The following PRLR variants were observed in gnomAD, a reference collection of about 807,000 sequenced individuals.
The protein encoded by PRLR is hPRL receptor.
In PRLR, 13 loss-of-function variants were observed where a neutral mutation model predicts 40.2. That is an observed-to-expected ratio of 0.32 (90% confidence interval 0.21 to 0.51). PRLR has a LOEUF of 0.51. PRLR is among the 20% of genes least tolerant of loss of function. The probability of loss-of-function intolerance (pLI) is 0.97; values close to 1 mark genes in which losing one functional copy is unlikely to be tolerated. For synonymous variants in PRLR, 269 were observed against 278.7 expected (o/e 0.97, Z 0.35); for missense variants, 656 against 747.3 (o/e 0.88, Z 1.42).
intron 5 of PRLR, chr5:35,081,377 G>T: frequency 4.5e-6 from 1 of 223,054 alleles, no homozygotes; most frequent in South Asian, 7.1e-5. Context: ...GAGCTGAATG[G>T]GAAGCTCAAT....
intron 1 of PRLR, among the ~76,000 whole-genome samples, chr5:35,134,832 C>G (rs1426815245): frequency 1.3e-5 from 2 of 152,158 alleles, no homozygotes; most frequent in African/African-American, 4.8e-5. Flanking sequence ...CTGTTTGGCT[C>G]CCATCCCTAG....
chr5:35,069,118 C>A (rs1242966261), intron 7 of PRLR, among the ~76,000 whole-genome samples: 2 of 151,948 alleles, frequency 1.3e-5, no homozygotes, highest in African/African-American at 4.8e-5. Flanking sequence ...TTTCATTATT[C>A]TTTTTAATTG....
At chr5:35,170,427 G>C (rs1353242377) in intron 1 of PRLR, among the ~76,000 whole-genome samples, 1 of 152,210 alleles carries the variant, frequency 6.6e-6, no homozygotes, top group Non-Finnish European at 1.5e-5. Flanking sequence ...AATAAAGGCA[G>C]GAGGATAGCT....
intron 2 of PRLR, among the ~76,000 whole-genome samples, chr5:35,104,731 A>ACT (rs1772116649): frequency 6.6e-6 from 1 of 152,202 alleles, no homozygotes; most frequent in South Asian, 2.1e-4. Context: ...GGAAGCTCGA[A>ACT]CTGGGTGGAG....
intron 1 of PRLR, among the ~76,000 whole-genome samples, chr5:35,122,799 G>A (rs1773335058): frequency 6.6e-6 from 1 of 152,206 alleles, no homozygotes; most frequent in Non-Finnish European, 1.5e-5. Context: ...GCAGAAGCAA[G>A]CACATCCACT....
rs192466439 is a variant in PRLR at position 35,061,783 on chromosome 5, T to C, written c.*3306A>G. 8 of 152,264 alleles carry C rather than the reference T, an allele frequency of 5.3e-5. No homozygotes were observed. The highest frequency in any genetic ancestry group is 1.0e-4 in the Non-Finnish European group (7 of 68,016). 9.4% of individuals were successfully genotyped at this position (152,264 alleles called of 1,614,324 possible). A position where few individuals can be genotyped will look rare whatever the true frequency, so the allele number is the denominator to read the frequency against. On this transcript the variant is annotated 3_prime_UTR_variant, in exon 10 of 10. Transcript: ENST00000618457. ...TTGTTTATAAAAATACAACTTATTA[T>C]AACTCAGAGTGTAAGGATACATGAG... is the stretch of plus-strand genomic sequence containing the variant.
At chr5:35,102,497 A>ACCCCT (rs1252925233) in intron 2 of PRLR, among the ~76,000 whole-genome samples, 2 of 68,770 alleles carry the variant, frequency 2.9e-5, no homozygotes, top group Non-Finnish European at 6.9e-5. Flanking sequence ...TCTCCTCTCC[A>ACCCCT]CTCCTCTCCT....
intron 9 of PRLR, among the ~76,000 whole-genome samples, chr5:35,067,569 AGCTAGTT>A (rs1769457857): frequency 6.6e-6 from 1 of 152,244 alleles, no homozygotes; most frequent in Non-Finnish European, 1.5e-5. Context: ...CTTAATGTAC[AGCTAGTT>A]GCTTTTATAT....
In PRLR at chr5:35,065,924, G is replaced by A; in HGVS notation, c.1034C>T (p.Pro345Leu). The change falls in exon 10 of 10, where the codon CCT becomes CTT. Residue 345 changes from proline to leucine, a missense_variant. By Grantham distance (98) the Pro-to-Leu change is moderately conservative. This residue lies in a region of PRLR where 469 missense variants were observed against 491.5 expected (regional missense o/e 0.95). Coordinates refer to ENST00000618457, the MANE Select transcript of PRLR (RefSeq NM_000949.7). Reference sequence around the variant, plus strand: ...GCTCCCCCGGCCTGAGTCAGTGTCAGGATCCAGGTATGTGGGTTTCATACC... The same window carrying A: ...GCTCCCCCGGCCTGAGTCAGTGTCAAGATCCAGGTATGTGGGTTTCATACC... ...SQGMKPTYLDPDTDSGRGSCD... is the reference protein window; with the variant it reads ...SQGMKPTYLDLDTDSGRGSCD... 6.2e-7 allele frequency: 1 copy of A among 1,614,158 alleles called. No homozygotes were observed. Among genetic ancestry groups the A allele is most frequent in the Admixed American group, 1.7e-5 (1 of 60,026 alleles).
chr5:35,114,094 C>T (rs998810414), intron 2 of PRLR, among the ~76,000 whole-genome samples: 1 of 152,148 alleles, frequency 6.6e-6, no homozygotes, highest in African/African-American at 2.4e-5. Context: ...GCTCGGTTGT[C>T]AGCTTGGAGT....
rs1017560825 is a variant in PRLR, at chr5:35,062,458, A to G, written c.*2631T>C. 2.0e-5 allele frequency: 3 copies of G among 152,244 alleles called. No homozygotes were observed. Among genetic ancestry groups the G allele is most frequent in the Non-Finnish European group, 4.4e-5 (3 of 68,036 alleles). The allele number at this position is 152,244 out of a possible 1,614,324, so 9.4% of individuals were successfully genotyped here. A position where few individuals can be genotyped will look rare whatever the true frequency, so the allele number is the denominator to read the frequency against. On this transcript the variant is annotated 3_prime_UTR_variant, in exon 10 of 10. Coordinates refer to ENST00000618457, the MANE Select transcript of PRLR (RefSeq NM_000949.7). ...CCACAAAAAAACTTTTTGTTAGACCACAAAAAAGCTTAATTCAGATAAACA... is the reference window on the plus strand; with the variant it reads ...CCACAAAAAAACTTTTTGTTAGACCGCAAAAAAGCTTAATTCAGATAAACA...
intron 1 of PRLR, among the ~76,000 whole-genome samples, chr5:35,199,029 T>C (rs866582332): frequency 1.3e-5 from 2 of 152,176 alleles, no homozygotes; most frequent in Non-Finnish European, 2.9e-5. Flanking sequence ...ATCCGGCTGC[T>C]GAGAAAGCAG....
At chr5:35,077,310 G>A (rs1171531923) in intron 5 of PRLR, among the ~76,000 whole-genome samples, 1 of 152,114 alleles carries the variant, frequency 6.6e-6, no homozygotes, top group Non-Finnish European at 1.5e-5. Flanking sequence ...CATTTCCCAT[G>A]CAGAGACACA....
intron 1 of PRLR, among the ~76,000 whole-genome samples, chr5:35,127,457 G>A (rs1399152699): frequency 6.6e-6 from 1 of 152,096 alleles, no homozygotes; most frequent in Non-Finnish European, 1.5e-5. Context: ...TTAAACAGAA[G>A]TCATTTTTAT....
chr5:35,176,227 G>A (rs1311410579), intron 1 of PRLR, among the ~76,000 whole-genome samples: 1 of 151,800 alleles, frequency 6.6e-6, no homozygotes, highest in Non-Finnish European at 1.5e-5. Flanking sequence ...TTTTTTAAAG[G>A]CTTTTCCAAA....
intron 1 of PRLR, among the ~76,000 whole-genome samples, chr5:35,144,123 CA>C (rs34642253): frequency 0.53 from 58,005 of 109,022 alleles, 12,590 homozygotes; most frequent in Non-Finnish European, 0.57. Context: ...AACAAGCTTC[CA>C]AAAAAAAAAA....
chr5:35,227,293 T>C (rs1295944739), intron 1 of PRLR, among the ~76,000 whole-genome samples: 2 of 152,132 alleles, frequency 1.3e-5, no homozygotes, highest in Non-Finnish European at 1.5e-5. Context: ...TGCCTGATAT[T>C]GGGGAGCTTG....
At chr5:35,152,692 C>A (rs1288463989) in intron 1 of PRLR, 1 of 151,996 alleles carries the variant, frequency 6.6e-6, no homozygotes. Flanking sequence ...AGTTATGTAC[C>A]CAAGAGAAAC....
At chr5:35,224,996 A>G (rs866836141) in intron 1 of PRLR, among the ~76,000 whole-genome samples, 2 of 152,162 alleles carry the variant, frequency 1.3e-5, no homozygotes, top group Non-Finnish European at 2.9e-5. Context: ...CTTTTTGTTC[A>G]TGCTGTTTTA....
Sources: gnomAD v4.1 joint callset for allele counts (sites outside exome capture counted in the v4.1 genomes callset) on GRCh38, gnomAD v4.1.1 for gene constraint, gnomAD v4.1.1 regional missense constraint, MANE v1.5 for transcripts, NCBI Gene and HGNC (gene_info 2026-07-23, HGNC 2026-07-21) for gene names.